PRH1: variants seen among roughly 807,000 people sequenced by gnomAD.
The protein encoded by PRH1 is salivary acidic proline-rich phosphoprotein 1/2.
Under a neutral mutation model 7.9 loss-of-function variants are expected in PRH1, and 7 were observed. The observed-to-expected ratio is 0.89, with a 90% CI of 0.50 to 1.67. PRH1 has a LOEUF of 1.67. PRH1 is among the 40% of genes most tolerant of loss of function. The pLI is 0.00. For synonymous variants in PRH1, 45 were observed against 80.8 expected (o/e 0.56, Z 2.38); for missense variants, 109 against 223.6 (o/e 0.49, Z 3.27).
intron 2 of PRH1, among the ~76,000 whole-genome samples, chr12:10,949,205 C>A (rs760061773): frequency 1.7e-4 from 26 of 152,252 alleles, no homozygotes; most frequent in Middle Eastern, 6.8e-3. Flanking sequence ...GGGTTCCATC[C>A]CAGAGAGATG....
At chr12:11,089,134 C>T (rs1484215435) in intron 1 of PRH1, among the ~76,000 whole-genome samples, 1 of 115,402 alleles carries the variant, frequency 8.7e-6, no homozygotes. Context: ...TCTTAGATTC[C>T]CTTCACTATG....
At chr12:11,160,129 C>T (rs1282412408) in intron 1 of PRH1, among the ~76,000 whole-genome samples, 3 of 152,136 alleles carry the variant, frequency 2.0e-5, no homozygotes, top group Non-Finnish European at 4.4e-5. Flanking sequence ...CACTTGAATA[C>T]AAATATCTTA....
rs367920076 is a variant in PRH1, at chr12:11,092,052, A to T, written n.124-44864T>A. 9.1e-6 allele frequency: 14 copies of T among 1,533,300 alleles called. No homozygotes were observed. Among genetic ancestry groups the T allele is most frequent in the African/African-American group, 1.4e-5 (1 of 70,242 alleles). The allele number at this position is 1,533,300 out of a possible 1,614,324, so 95.0% of individuals were successfully genotyped here. On this transcript the variant is annotated intron_variant and non_coding_transcript_variant, in intron 1 of 4. Transcript: ENST00000541977. Reference sequence around the variant, plus strand: ...GAATACCAGTTTAATAATAATACCCAGAGCAAACCAACTCTGGAGACCGCC... The same window carrying T: ...GAATACCAGTTTAATAATAATACCCTGAGCAAACCAACTCTGGAGACCGCC...
rs148645644 is a variant in PRH1, at chr12:10,975,800, A to G, written c.-125-2079T>C. On this transcript the variant is annotated intron_variant, in intron 1 of 3. Transcript: ENST00000539853. The stretch of plus-strand genomic sequence containing the variant: ...CTAATTTCATAAAAAAAGTCTTTAA[A>G]TCAACAAAGATCAAAAAAGACAAGG... Among the ~76,000 whole-genome samples the G allele has an allele frequency of 1.4e-4, 21 of 152,274 alleles. No individual in the cohort carries two copies. In the East Asian group the frequency reaches 4.0e-3, roughly 29 times the overall value.
chr12:10,937,257 TATGA>T (rs1399905223), intron 2 of PRH1: 1 of 151,868 alleles, frequency 6.6e-6, no homozygotes, highest in Non-Finnish European at 1.5e-5. Context: ...CGTGCGTGTG[TATGA>T]ATATGTATAT....
chr12:10,968,755 G>C (rs951493281), intron 2 of PRH1, among the ~76,000 whole-genome samples: 3 of 152,238 alleles, frequency 2.0e-5, no homozygotes, highest in Non-Finnish European at 4.4e-5. Flanking sequence ...CAGGTGAACA[G>C]GTGCAGGAGC....
chr12:10,881,218 T>C (rs1423644029), intron 3 of PRH1, among the ~76,000 whole-genome samples, 162 bp from the exon 4 acceptor site: 1 of 152,210 alleles, frequency 6.6e-6, no homozygotes, highest in Non-Finnish European at 1.5e-5. Context: ...ATTTTCTTTG[T>C]TCACTCTTTA....
At chr12:10,956,368 A>G (rs781364657) in intron 2 of PRH1, among the ~76,000 whole-genome samples, 5 of 152,178 alleles carry the variant, frequency 3.3e-5, no homozygotes, top group African/African-American at 9.6e-5. Context: ...ATAAAATTCA[A>G]TGTCTCTTCA....
intron 2 of PRH1, among the ~76,000 whole-genome samples, chr12:10,897,928 T>G (rs999082234): frequency 6.6e-6 from 1 of 152,154 alleles, no homozygotes; most frequent in Non-Finnish European, 1.5e-5. Flanking sequence ...GGCTGTTATT[T>G]TACACCATGA....
chr12:10,994,936 A>C (rs1050169613), intron 1 of PRH1, among the ~76,000 whole-genome samples: 14 of 152,202 alleles, frequency 9.2e-5, no homozygotes, highest in Admixed American at 7.9e-4. Flanking sequence ...TATTGTAATA[A>C]ATGCCATCTT....
chr12:10,952,432 C>T (rs985876945), intron 2 of PRH1, among the ~76,000 whole-genome samples: 2 of 152,226 alleles, frequency 1.3e-5, no homozygotes, highest in South Asian at 4.2e-4. Context: ...AAAACTACTC[C>T]AAAAATATGC....
At chr12:10,944,691 G>C (rs2135901061) in intron 2 of PRH1, among the ~76,000 whole-genome samples, 1 of 152,184 alleles carries the variant, frequency 6.6e-6, no homozygotes, top group East Asian at 1.9e-4. Context: ...TGTTGGGTGT[G>C]GGTTTATCAT....
chr12:11,117,841 G>A (rs1487018525), downstream of PRH1, among the ~76,000 whole-genome samples: 2 of 152,134 alleles, frequency 1.3e-5, no homozygotes, highest in Non-Finnish European at 2.9e-5. Flanking sequence ...TCAATAAATG[G>A]TGCTGGGACA....
At chr12:10,908,923 C>T (rs748371831) in intron 2 of PRH1, 1 of 1,613,096 alleles carries the variant, frequency 6.2e-7, no homozygotes, top group Non-Finnish European at 8.5e-7. Flanking sequence ...ACTTTGTTTA[C>T]TCTCCACTTC....
At position 11,089,100 on chromosome 12, in the gene PRH1, G is replaced by A. The variant is rs1310735513; in HGVS notation, n.124-41912C>T. 1.0e-4 allele frequency among the ~76,000 whole-genome samples: 12 copies of A among 115,348 alleles called. 3 individuals are homozygous for A. Among genetic ancestry groups the A allele is most frequent in the Non-Finnish European group, 4.1e-5 (2 of 48,724 alleles). The allele number at this position is 115,348 out of a possible 152,430, so 75.7% of individuals were successfully genotyped here. Reference sequence around the variant, plus strand: ...ACGCCTCAGTGGCACAAGGAGTGATGGTATTGGACACAAACATGTGCTTTC... The same window carrying A: ...ACGCCTCAGTGGCACAAGGAGTGATAGTATTGGACACAAACATGTGCTTTC... On this transcript the variant is annotated intron_variant and non_coding_transcript_variant, in intron 1 of 4. Transcript: ENST00000541977.
chr12:11,033,096 C>A (rs2136106060), intron 1 of PRH1, among the ~76,000 whole-genome samples: 1 of 152,250 alleles, frequency 6.6e-6, no homozygotes, highest in South Asian at 2.1e-4. Flanking sequence ...CCAAACCCAG[C>A]TTAGAAAAAT....
rs139673813 is a variant in PRH1, at chr12:10,929,227, G to A, written c.-59+44428C>T. ...TTGTCTTTATAAAGGGAGCTGACACGTTTCTCCCAGCATAAAGTTGGGAGT... is the reference window on the plus strand; with the variant it reads ...TTGTCTTTATAAAGGGAGCTGACACATTTCTCCCAGCATAAAGTTGGGAGT... On this transcript the variant is annotated intron_variant, in intron 2 of 3. Coordinates refer to the PRH1 transcript ENST00000539853. 3.0e-3 allele frequency: 4,792 copies of A among 1,613,158 alleles called. 12 individuals are homozygous for A. The highest frequency in any genetic ancestry group is 3.5e-3 in the Non-Finnish European group (4,182 of 1,179,166).
intron 1 of PRH1, among the ~76,000 whole-genome samples, chr12:11,054,612 G>T (rs1943279838): frequency 6.6e-6 from 1 of 152,096 alleles, no homozygotes; most frequent in East Asian, 1.9e-4. Context: ...GTAAAAATGG[G>T]CATAATTATT....
At chr12:11,138,810 A>T (rs1392776765) in intron 1 of PRH1, among the ~76,000 whole-genome samples, 1 of 46,606 alleles carries the variant, frequency 2.1e-5, no homozygotes. Flanking sequence ...AGGCTGAGGC[A>T]GGTGGATTGC....
Sources: gnomAD v4.1 joint callset for allele counts (sites outside exome capture counted in the v4.1 genomes callset) on GRCh38, gnomAD v4.1.1 for gene constraint, MANE v1.5 for transcripts, NCBI Gene and HGNC (gene_info 2026-07-23, HGNC 2026-07-21) for gene names.